GALNT15: variants seen among roughly 807,000 people sequenced by gnomAD.
The protein encoded by GALNT15 is polypeptide N-acetylgalactosaminyltransferase 15.
Under a neutral mutation model 66.8 loss-of-function variants are expected in GALNT15, and 67 were observed. The observed-to-expected ratio is 1.00, with a 90% CI of 0.82 to 1.23. The LOEUF (loss-of-function observed/expected upper bound fraction) is 1.23, where lower values mean the gene tolerates loss of function less well. GALNT15 is among the 50% of genes most tolerant of loss of function. GALNT15 has a pLI of 0.00. For synonymous variants in GALNT15, 313 were observed against 311.5 expected (o/e 1.00, Z -0.05); for missense variants, 827 against 804.3 (o/e 1.03, Z -0.34).
At chr3:16,239,218 T>C in the GALNT15 span, among the ~76,000 whole-genome samples, 9 of 151,948 alleles carry the variant, frequency 5.9e-5, no homozygotes, top group Non-Finnish European at 7.4e-5. The surrounding 1 kb of genome is among the most constrained non-coding windows in gnomAD (Gnocchi z 5.2). Context: ...TTGGCCAGAG[T>C]CCTAGCAGCA....
chr3:16,218,317 C>G (rs1410849707), intron 6 of GALNT15, among the ~76,000 whole-genome samples: 1 of 152,180 alleles, frequency 6.6e-6, no homozygotes, highest in Non-Finnish European at 1.5e-5. Context: ...TCTGACATGG[C>G]CAGCTCGCTT....
At position 16,175,167 on chromosome 3, in the gene GALNT15, C is replaced by T. The variant is rs199640081; in HGVS notation, c.16C>T (p.Arg6Ter). Reference sequence around the variant, plus strand: ...TTCTAGCAACATGCTCCTAAGGAAGCGATACAGGCACAGACCATGCAGACT... The same window carrying T: ...TTCTAGCAACATGCTCCTAAGGAAGTGATACAGGCACAGACCATGCAGACT... MLLRK[R>*]YRHRPCRLQF... Residue 6 changes from arginine to a stop codon, truncating the protein, a stop_gained, in exon 1 of 10, where the codon CGA becomes TGA. Coordinates refer to ENST00000339732, the MANE Select transcript of GALNT15 (RefSeq NM_054110.5). LOFTEE classifies it high-confidence loss of function. This position sits in a 1 kb window ranked among gnomAD's most constrained non-coding sequence, Gnocchi z 5.6. 64 of 1,611,030 alleles carry T rather than the reference C, an allele frequency of 4.0e-5. No individual in the cohort carries two copies. Among genetic ancestry groups the T allele is most frequent in the Middle Eastern group, 3.3e-4 (2 of 6,046 alleles).
chr3:16,206,412 G>C (rs550187215), intron 3 of GALNT15, among the ~76,000 whole-genome samples: 59 of 150,468 alleles, frequency 3.9e-4, no homozygotes, highest in African/African-American at 1.3e-3. Flanking sequence ...GATGGTTCAC[G>C]CCTGTAATCC....
intron 3 of GALNT15, among the ~76,000 whole-genome samples, chr3:16,208,215 T>C (rs1377153853): frequency 6.6e-6 from 1 of 152,110 alleles, no homozygotes; most frequent in African/African-American, 2.4e-5. Context: ...AATAAACAGA[T>C]GAAGTTAATT....
intron 1 of GALNT15, among the ~76,000 whole-genome samples, chr3:16,179,569 G>A (rs779468805): frequency 7.2e-5 from 11 of 152,188 alleles, no homozygotes; most frequent in South Asian, 2.1e-4. Flanking sequence ...GAGATACTCA[G>A]CCTGAGTTAG....
rs1480215415 is a variant in GALNT15, at chr3:16,181,143, G to A, written c.539+5453G>A. 6.6e-6 allele frequency among the ~76,000 whole-genome samples: 1 copy of A among 152,128 alleles called. No homozygotes were observed. The highest frequency in any genetic ancestry group is 2.4e-5 in the African/African-American group (1 of 41,420). On this transcript the variant is annotated intron_variant, in intron 1 of 9. Coordinates refer to ENST00000339732, the MANE Select transcript of GALNT15 (RefSeq NM_054110.5). The surrounding 1 kb of genome is among the most constrained non-coding windows in gnomAD (Gnocchi z 5.9). ...ATGGAGCTGTGGATATCATATTGCTGTCCTTTTTCTGACTGAAAAGTTATT... is the reference window on the plus strand; with the variant it reads ...ATGGAGCTGTGGATATCATATTGCTATCCTTTTTCTGACTGAAAAGTTATT...
chr3:16,178,634 T>G (rs1471570535), intron 1 of GALNT15, among the ~76,000 whole-genome samples: 1 of 152,168 alleles, frequency 6.6e-6, no homozygotes, highest in Non-Finnish European at 1.5e-5. Flanking sequence ...CTCGCCTGCA[T>G]GCACAAGAGA....
the GALNT15 span, among the ~76,000 whole-genome samples, chr3:16,242,789 AGAAAAG>A: frequency 1.3e-5 from 2 of 152,066 alleles, no homozygotes; most frequent in Admixed American, 1.3e-4. The surrounding 1 kb of genome is among the most constrained non-coding windows in gnomAD (Gnocchi z 5.6). Context: ...AAAAAAGAAA[AGAAAAG>A]AAAAGAAAAT....
rs570285342 is a variant in GALNT15, at chr3:16,188,413, C to T, written c.540-7347C>T. On this transcript the variant is annotated intron_variant, in intron 1 of 9. Coordinates refer to ENST00000339732, the MANE Select transcript of GALNT15 (RefSeq NM_054110.5). This position sits in a 1 kb window ranked among gnomAD's most constrained non-coding sequence, Gnocchi z 4.6. ...ATTAAGATATTTCCCAGAAACAGTT[C>T]AGGTTTCTGGCTTTTTCTGAAAATC... Among the ~76,000 whole-genome samples the T allele has an allele frequency of 6.6e-6, 1 of 152,304 alleles. No homozygotes were observed. The highest frequency in any genetic ancestry group is 1.5e-5 in the Non-Finnish European group (1 of 68,022).
At position 16,204,968 on chromosome 3, in the gene GALNT15, C is replaced by T. The variant is rs912571786; in HGVS notation, c.912-3535C>T. Among the ~76,000 whole-genome samples the T allele has an allele frequency of 1.4e-4, 22 of 152,248 alleles. No homozygotes were observed. The highest frequency in any genetic ancestry group is 5.1e-4 in the African/African-American group (21 of 41,538). On this transcript the variant is annotated intron_variant, in intron 3 of 9. Coordinates refer to ENST00000339732, the MANE Select transcript of GALNT15 (RefSeq NM_054110.5). The surrounding 1 kb of genome is among the most constrained non-coding windows in gnomAD (Gnocchi z 4.5). Reference sequence around the variant, plus strand: ...ATGTGCGTGCGTGTGTGTGTGCGCGCGCATGTGCGCGTCAAGGAGCAGCAG... The same window carrying T: ...ATGTGCGTGCGTGTGTGTGTGCGCGTGCATGTGCGCGTCAAGGAGCAGCAG...
chr3:16,202,562 G>C (rs1350542110), intron 3 of GALNT15, among the ~76,000 whole-genome samples: 1 of 152,240 alleles, frequency 6.6e-6, no homozygotes, highest in Admixed American at 6.5e-5. Flanking sequence ...GAACCTGGGA[G>C]GCAGAGGTTA....
In GALNT15 at chr3:16,182,924, T is replaced by C. The variant is rs2063483977; in HGVS notation, c.539+7234T>C. ...CTATGACCTGCTATCAACTGCTCACTTTTTGCATGTCTAAAGCTCACACTT... is the reference window on the plus strand; with the variant it reads ...CTATGACCTGCTATCAACTGCTCACCTTTTGCATGTCTAAAGCTCACACTT... On this transcript the variant is annotated intron_variant, in intron 1 of 9. Transcript: ENST00000339732. The surrounding 1 kb of genome is among the most constrained non-coding windows in gnomAD (Gnocchi z 6.1). 6.6e-6 allele frequency: 1 copy of C among 152,258 alleles called. No homozygotes were observed. The highest frequency in any genetic ancestry group is 2.4e-5 in the African/African-American group (1 of 41,462). The allele number at this position is 152,258 out of a possible 1,614,324, so 9.4% of individuals were successfully genotyped here.
At chr3:16,218,869 C>T (rs906232688) in intron 6 of GALNT15, among the ~76,000 whole-genome samples, 3 of 134,022 alleles carry the variant, frequency 2.2e-5, no homozygotes, top group South Asian at 2.4e-4. Flanking sequence ...GGCTGGAGTA[C>T]AGTAACACGA....
At position 16,175,832 on chromosome 3, in the gene GALNT15, G is replaced by C; in HGVS notation, c.539+142G>C. ...AAGATGCAGTACCTGGGCCAGCAGC[G>C]TCAGCAGCCCCTGGGCACTGGTGGG... On this transcript the variant is annotated intron_variant, in intron 1 of 9. Coordinates refer to ENST00000339732, the MANE Select transcript of GALNT15 (RefSeq NM_054110.5). This position sits in a 1 kb window ranked among gnomAD's most constrained non-coding sequence, Gnocchi z 5.6. 2 of 727,842 alleles carry C rather than the reference G, an allele frequency of 2.7e-6. No homozygotes were observed. The highest frequency in any genetic ancestry group is 2.2e-6 in the Non-Finnish European group (1 of 459,230). 45.1% of individuals were successfully genotyped at this position (727,842 alleles called of 1,614,324 possible).
rs1030826532 is a variant in GALNT15, at chr3:16,184,628, C to T, written c.539+8938C>T. On this transcript the variant is annotated intron_variant, in intron 1 of 9. Transcript: ENST00000339732. This position sits in a 1 kb window ranked among gnomAD's most constrained non-coding sequence, Gnocchi z 5.0. ...TGTTTAATAGGACATAAACTCCATG[C>T]TATTAGGGGCTATCTTAGTTTAGGT... 1.1e-4 allele frequency among the ~76,000 whole-genome samples: 17 copies of T among 152,322 alleles called. No individual in the cohort carries two copies. The highest frequency in any genetic ancestry group is 3.8e-4 in the African/African-American group (16 of 41,582).
In GALNT15 at chr3:16,175,043, A is replaced by C; in HGVS notation, c.-109A>C. The C allele has an allele frequency of 1.9e-6, 2 of 1,029,288 alleles. No individual in the cohort carries two copies. The highest frequency in any genetic ancestry group is 2.1e-4 in the Middle Eastern group (1 of 4,680). The allele number at this position is 1,029,288 out of a possible 1,614,324, so 63.8% of individuals were successfully genotyped here. On this transcript the variant is annotated 5_prime_UTR_variant, in exon 1 of 10. Transcript: ENST00000339732. This position sits in a 1 kb window ranked among gnomAD's most constrained non-coding sequence, Gnocchi z 5.6. The stretch of plus-strand genomic sequence containing the variant: ...ACCAGGTTAAGTGACTGGCAGAAAA[A>C]CTTCCAGGTGGAACAAGCAACCCAG...
In GALNT15 at chr3:16,199,022, C is replaced by T. The variant is rs190166447; in HGVS notation, c.707-1597C>T. On this transcript the variant is annotated intron_variant, in intron 2 of 9. Transcript: ENST00000339732. Reference sequence around the variant, plus strand: ...AGTGCCTACTGTGGGCCAGGCCCTGCACTAAGGGTTAGAGCAGAAGAGATG... The same window carrying T: ...AGTGCCTACTGTGGGCCAGGCCCTGTACTAAGGGTTAGAGCAGAAGAGATG... Among the ~76,000 whole-genome samples the T allele has an allele frequency of 4.9e-5, 7 of 142,870 alleles. 1 individual carries two copies. Among genetic ancestry groups the T allele is most frequent in the Admixed American group, 3.6e-4 (5 of 14,084 alleles). 93.7% of individuals were successfully genotyped at this position (142,870 alleles called of 152,430 possible).
At chr3:16,223,213 TG>T (rs2063966705) in intron 9 of GALNT15, among the ~76,000 whole-genome samples, 2 of 152,168 alleles carry the variant, frequency 1.3e-5, no homozygotes, top group African/African-American at 2.4e-5. Flanking sequence ...CAATGCAAAT[TG>T]CACTGTAAGT....
At chr3:16,234,806 T>C (rs1159202244), downstream of GALNT15, among the ~76,000 whole-genome samples, 1 of 152,168 alleles carries the variant, frequency 6.6e-6, no homozygotes, top group Non-Finnish European at 1.5e-5. Context: ...GATAACCCCA[T>C]TCCCCTGAGT....
Sources: gnomAD v4.1 joint callset for allele counts (sites outside exome capture counted in the v4.1 genomes callset) on GRCh38, gnomAD v4.1.1 for gene constraint, Gnocchi (gnomAD v3.1) non-coding constraint, MANE v1.5 for transcripts, NCBI Gene and HGNC (gene_info 2026-07-23, HGNC 2026-07-21) for gene names.